The following EPHB1 variants were observed in gnomAD, a reference collection of about 807,000 sequenced individuals.
The protein encoded by EPHB1 is EPH receptor B1.
Under a neutral mutation model 94.4 loss-of-function variants are expected in EPHB1, and 30 were observed. The observed-to-expected ratio is 0.32, with a 90% CI of 0.24 to 0.43. The LOEUF is 0.43. Ranked by LOEUF, EPHB1 falls within the 20% of genes least tolerant of loss-of-function variation. The pLI is 1.00. For missense variants in EPHB1, 1,055 were observed against 1,308.3 expected (o/e 0.81, Z 2.99); for synonymous variants, 522 against 489.1 (o/e 1.07, Z -0.89).
At chr3:134,897,231 G>C (rs1418862885) in intron 1 of EPHB1, among the ~76,000 whole-genome samples, 1 of 152,152 alleles carries the variant, frequency 6.6e-6, no homozygotes, top group South Asian at 2.1e-4. Flanking sequence ...GGGGGGCCTT[G>C]AATGGCCACA....
chr3:134,871,459 G>A (rs1326048918), intron 1 of EPHB1, among the ~76,000 whole-genome samples: 4 of 152,080 alleles, frequency 2.6e-5, no homozygotes, highest in South Asian at 4.1e-4. Context: ...AGCTCCCAGC[G>A]GCTGGCTCGA....
At chr3:135,078,092 A>G (rs991437510) in intron 3 of EPHB1, among the ~76,000 whole-genome samples, 3 of 152,210 alleles carry the variant, frequency 2.0e-5, no homozygotes, top group African/African-American at 2.4e-5. Flanking sequence ...TTGAGATTCA[A>G]TCACAGTTAT....
intron 3 of EPHB1, among the ~76,000 whole-genome samples, chr3:135,052,050 A>G (rs527950903): frequency 4.6e-5 from 7 of 152,370 alleles, no homozygotes; most frequent in African/African-American, 1.7e-4. Flanking sequence ...GTAACACATG[A>G]CTTTGTCAGT....
intron 5 of EPHB1, among the ~76,000 whole-genome samples, chr3:135,148,908 A>G (rs1431711038): frequency 6.6e-6 from 1 of 152,212 alleles, no homozygotes; most frequent in Non-Finnish European, 1.5e-5. Flanking sequence ...ATTGTTGGCT[A>G]TAACTCTCTT....
chr3:135,017,986 C>A (rs1935858647), intron 3 of EPHB1, among the ~76,000 whole-genome samples: 1 of 152,022 alleles, frequency 6.6e-6, no homozygotes, highest in Admixed American at 6.6e-5. Flanking sequence ...GGCACATGCA[C>A]CATGCCTGGA....
chr3:134,857,197 C>T (rs1342716723), intron 1 of EPHB1, among the ~76,000 whole-genome samples: 1 of 152,192 alleles, frequency 6.6e-6, no homozygotes, highest in East Asian at 1.9e-4. Flanking sequence ...GCTGACCCCA[C>T]AGCCAGCATG....
intron 4 of EPHB1, among the ~76,000 whole-genome samples, chr3:135,124,435 A>G (rs1940112042): frequency 1.3e-5 from 2 of 151,866 alleles, no homozygotes; most frequent in South Asian, 4.1e-4. Flanking sequence ...TGTCTGTGTC[A>G]CTGTCTTCAC....
intron 12 of EPHB1, among the ~76,000 whole-genome samples, chr3:135,233,266 T>C (rs1388634887): frequency 2.0e-5 from 3 of 152,218 alleles, no homozygotes; most frequent in Admixed American, 6.5e-5. Context: ...GGTACAGGCA[T>C]TGGGTAAATA....
At chr3:135,201,166 G>A (rs892410990) in intron 11 of EPHB1, among the ~76,000 whole-genome samples, 1 of 152,038 alleles carries the variant, frequency 6.6e-6, no homozygotes, top group South Asian at 2.1e-4. Flanking sequence ...GGATTGGGGG[G>A]CGGGCAAGGA....
At chr3:134,920,305 C>T (rs1001480954) in intron 1 of EPHB1, among the ~76,000 whole-genome samples, 4 of 152,152 alleles carry the variant, frequency 2.6e-5, no homozygotes, top group South Asian at 2.1e-4. Flanking sequence ...TTGGGGCTGC[C>T]GTGTGTCCTT....
intron 1 of EPHB1, among the ~76,000 whole-genome samples, chr3:134,825,612 G>A (rs781180947): frequency 2.6e-5 from 4 of 152,158 alleles, no homozygotes; most frequent in Non-Finnish European, 5.9e-5. Context: ...CAAGTGCTTT[G>A]CTGAAATCTA....
intron 12 of EPHB1, among the ~76,000 whole-genome samples, chr3:135,232,065 A>G (rs1286171621): frequency 6.6e-6 from 1 of 152,208 alleles, no homozygotes; most frequent in African/African-American, 2.4e-5. Context: ...CTCAGTTGCA[A>G]TTCAGCAGCC....
chr3:134,981,034 G>A (rs1934382606), intron 3 of EPHB1, among the ~76,000 whole-genome samples: 1 of 152,180 alleles, frequency 6.6e-6, no homozygotes, highest in Admixed American at 6.5e-5. Context: ...AGGGCAAGCA[G>A]GGTATCAGAC....
chr3:135,258,936 C>A, intron 15 of EPHB1, 76 bp from the exon 16 acceptor site: 1 of 1,229,274 alleles, frequency 8.1e-7, no homozygotes, highest in Non-Finnish European at 1.2e-6. Flanking sequence ...AAGAACATGG[C>A]TTTAGTGATG....
chr3:135,023,383 T>C (rs1342667610), intron 3 of EPHB1, among the ~76,000 whole-genome samples: 1 of 152,160 alleles, frequency 6.6e-6, no homozygotes, highest in Non-Finnish European at 1.5e-5. Flanking sequence ...TCCTGTGCAT[T>C]GTAGAAGATT....
chr3:135,090,473 A>G (rs1046621997), intron 3 of EPHB1, among the ~76,000 whole-genome samples: 1 of 152,224 alleles, frequency 6.6e-6, no homozygotes, highest in East Asian at 1.9e-4. Flanking sequence ...TTATTTCAAT[A>G]TTGGTTATTA....
At chr3:135,079,891 G>A (rs764865075) in intron 3 of EPHB1, among the ~76,000 whole-genome samples, 1 of 152,082 alleles carries the variant, frequency 6.6e-6, no homozygotes. Context: ...GGCAACTGGA[G>A]TGTTGAGTAG....
At chr3:134,891,675 A>G (rs1190074313) in intron 1 of EPHB1, among the ~76,000 whole-genome samples, 1 of 152,228 alleles carries the variant, frequency 6.6e-6, no homozygotes, top group African/African-American at 2.4e-5. Context: ...AATAAATTTT[A>G]CTTTGTCCTT....
chr3:135,223,643 T>C (rs1299555021), intron 12 of EPHB1, among the ~76,000 whole-genome samples: 1 of 152,224 alleles, frequency 6.6e-6, no homozygotes, highest in East Asian at 1.9e-4. Flanking sequence ...TTTGAAGCCA[T>C]GATAGAGATG....
Sources: gnomAD v4.1 joint callset for allele counts (sites outside exome capture counted in the v4.1 genomes callset) on GRCh38, gnomAD v4.1.1 for gene constraint, MANE v1.5 for transcripts, NCBI Gene and HGNC (gene_info 2026-07-23, HGNC 2026-07-21) for gene names.